Variants in PRDM16 observed in about 807,000 individuals in gnomAD.
The protein encoded by PRDM16 is PR/SET domain 16.
Under a neutral mutation model 110.6 loss-of-function variants are expected in PRDM16, and 23 were observed. The observed-to-expected ratio is 0.21, with a 90% CI of 0.15 to 0.29. The LOEUF (loss-of-function observed/expected upper bound fraction) is 0.29. PRDM16 is among the 10% of genes least tolerant of loss of function. The pLI, the probability that PRDM16 is intolerant of heterozygous loss-of-function variation, is 1.00. For missense variants in PRDM16, 1,615 were observed against 1,794.3 expected (o/e 0.90, Z 1.81); for synonymous variants, 799 against 781.8 (o/e 1.02, Z -0.37).
At chr1:3,220,053 C>T (rs922054133) in intron 2 of PRDM16, among the ~76,000 whole-genome samples, 34 of 152,182 alleles carry the variant, frequency 2.2e-4, no homozygotes, top group Admixed American at 2.1e-3. Context: ...TAAAAGCCCC[C>T]GAGTGGGCTC....
intron 3 of PRDM16, chr1:3,306,552 AC>A (rs1227289041): frequency 6.6e-6 from 1 of 152,092 alleles, no homozygotes; most frequent in East Asian, 1.9e-4. Flanking sequence ...AAAATCTACT[AC>A]CTCGTAGCTT....
Position 3,414,629 on chromosome 1 carries a change from G to A in PRDM16, c.2673G>A (p.Pro891=), listed in dbSNP as rs3819970. ...AGGAGAAGTACCTGCGGCCGTCCCC[G>A]CTGCTCTTCCACCCCCAGGTACGTC... ...ALKEKYLRPS[P]LLFHPQMSAI... The change falls in exon 10 of 17, where the codon CCG becomes CCA. Residue 891 remains proline (P), a synonymous_variant. Transcript: ENST00000270722. 4.3e-3 allele frequency: 7,010 copies of A among 1,613,104 alleles called. 306 individuals carry two copies. The Admixed American group carries it at 0.082, about 19-fold the overall frequency.
intron 3 of PRDM16, among the ~76,000 whole-genome samples, chr1:3,318,542 A>G (rs942300196): frequency 1.3e-5 from 2 of 152,176 alleles, no homozygotes; most frequent in African/African-American, 4.8e-5. Flanking sequence ...TTATCCATCT[A>G]TCAATTAGCT....
chr1:3,100,222 G>A (rs577472511), intron 1 of PRDM16, among the ~76,000 whole-genome samples: 1 of 152,306 alleles, frequency 6.6e-6, no homozygotes, highest in South Asian at 2.1e-4. Flanking sequence ...GCTCTGTGAC[G>A]TGGCCCCAGT....
At chr1:3,366,333 G>A (rs1642815515) in intron 3 of PRDM16, among the ~76,000 whole-genome samples, 2 of 152,236 alleles carry the variant, frequency 1.3e-5, no homozygotes, top group Admixed American at 1.3e-4. Flanking sequence ...CTGACGGGAA[G>A]GCACGCACTC....
chr1:3,139,749 TG>T, intron 1 of PRDM16, among the ~76,000 whole-genome samples: 1 of 152,352 alleles, frequency 6.6e-6, no homozygotes, highest in South Asian at 2.1e-4. Flanking sequence ...CACCTGACCC[TG>T]GTCCTGTTAG....
chr1:3,266,838 G>A (rs1640306259), intron 3 of PRDM16, among the ~76,000 whole-genome samples: 1 of 152,066 alleles, frequency 6.6e-6, no homozygotes, highest in Non-Finnish European at 1.5e-5. Context: ...CCCACGCCCG[G>A]CTAATATTTT....
At chr1:3,373,142 A>C (rs1050062100) in intron 3 of PRDM16, among the ~76,000 whole-genome samples, 5 of 152,188 alleles carry the variant, frequency 3.3e-5, no homozygotes, top group Non-Finnish European at 7.3e-5. Flanking sequence ...GAGTCTCCTC[A>C]GAGCTGGGGT....
At chr1:3,292,437 G>C (rs2100362204) in intron 3 of PRDM16, among the ~76,000 whole-genome samples, 1 of 152,342 alleles carries the variant, frequency 6.6e-6, no homozygotes. Flanking sequence ...AGAACACAGA[G>C]AGATAAACCA....
At chr1:3,341,126 C>T (rs1436610011) in intron 3 of PRDM16, among the ~76,000 whole-genome samples, 1 of 152,140 alleles carries the variant, frequency 6.6e-6, no homozygotes, top group Non-Finnish European at 1.5e-5. Flanking sequence ...CCTCGTTTCT[C>T]CTGGGCTATG....
At chr1:3,360,792 G>A (rs1013869162) in intron 3 of PRDM16, among the ~76,000 whole-genome samples, 1 of 152,226 alleles carries the variant, frequency 6.6e-6, no homozygotes, top group African/African-American at 2.4e-5. Flanking sequence ...ATGACAACAG[G>A]AGCGGAAGAG....
chr1:3,436,883 T>C lies in PRDM16; in HGVS notation c.*3072T>C, dbSNP rs1345639287. ...TTCAGCCCAAATGCTGCCCCAATGC[T>C]AACTCCTTGGATTGTCAACCCCCAT... On this transcript the variant is annotated 3_prime_UTR_variant, in exon 17 of 17. Transcript: ENST00000270722. 2 of 232,330 alleles carry C rather than the reference T, an allele frequency of 8.6e-6. No homozygotes were observed. The highest frequency in any genetic ancestry group is 4.4e-5 in the African/African-American group (2 of 45,206). The allele number at this position is 232,330 out of a possible 1,614,324, so 14.4% of individuals were successfully genotyped here. A position where few individuals can be genotyped will look rare whatever the true frequency, so the allele number is the denominator to read the frequency against.
intron 1 of PRDM16, among the ~76,000 whole-genome samples, chr1:3,128,982 G>T (rs1273669981): frequency 2.6e-5 from 4 of 152,196 alleles, no homozygotes; most frequent in Non-Finnish European, 1.5e-5. Flanking sequence ...AGATGAGGAG[G>T]GTGGCCCTGG....
rs1336274312 is a variant in PRDM16 at position 3,081,200 on chromosome 1, T to C, written c.37+11904T>C. 6.6e-6 allele frequency among the ~76,000 whole-genome samples: 1 copy of C among 152,344 alleles called. No individual in the cohort carries two copies. Among genetic ancestry groups the C allele is most frequent in the East Asian group, 1.9e-4 (1 of 5,174 alleles). The stretch of plus-strand genomic sequence containing the variant: ...AGCCGCTAAAAGCTGCTGTTTGTTA[T>C]TGAATCTCATCTGCTAATTACGGCG... On this transcript the variant is annotated intron_variant, in intron 1 of 16. Transcript: ENST00000270722. The surrounding 1 kb of genome is among the most constrained non-coding windows in gnomAD (Gnocchi z 4.6).
intron 3 of PRDM16, among the ~76,000 whole-genome samples, chr1:3,365,088 G>A (rs947883799): frequency 3.3e-5 from 5 of 152,362 alleles, no homozygotes; most frequent in African/African-American, 4.8e-5. Context: ...GCCAGTGGGC[G>A]AGGGCAGCAA....
chr1:3,169,597 C>T (rs1215153434), intron 1 of PRDM16, among the ~76,000 whole-genome samples: 1 of 152,178 alleles, frequency 6.6e-6, no homozygotes, highest in African/African-American at 2.4e-5. Context: ...GGCAGAGTAT[C>T]CCTGTCACCT....
At chr1:3,430,734 C>A in intron 14 of PRDM16, 138 bp from the exon 15 acceptor site, 1 of 1,035,590 alleles carries the variant, frequency 9.7e-7, no homozygotes, top group Non-Finnish European at 1.5e-6. Flanking sequence ...CCCAGGGACC[C>A]GCGGGAGCTC....
Position 3,300,236 on chromosome 1 carries a change from G to A in PRDM16, c.438+56099G>A, listed in dbSNP as rs55902504. ...GGCAGTGATGTTTCCGATCCCAGTC[G>A]TGGTGGCTCTGCCCTTGTTGAAGAT... On this transcript the variant is annotated intron_variant, in intron 3 of 16. Coordinates refer to ENST00000270722, the MANE Select transcript of PRDM16 (RefSeq NM_022114.4). Among the ~76,000 whole-genome samples, 10 of 94,730 alleles carry A rather than the reference G, an allele frequency of 1.1e-4. 3 individuals carry two copies. The highest frequency in any genetic ancestry group is 2.4e-4 in the Non-Finnish European group (10 of 42,124). The allele number at this position is 94,730 out of a possible 152,430, so 62.1% of individuals were successfully genotyped here. A position where few individuals can be genotyped will look rare whatever the true frequency, so the allele number is the denominator to read the frequency against.
chr1:3,211,912 C>T (rs1055660886), intron 2 of PRDM16, among the ~76,000 whole-genome samples: 1 of 152,226 alleles, frequency 6.6e-6, no homozygotes, highest in Non-Finnish European at 1.5e-5. Context: ...CTGCTCCATT[C>T]TGCTGTAAAG....
Sources: allele counts gnomAD v4.1 joint callset (sites outside exome capture counted in the v4.1 genomes callset), GRCh38; gene constraint gnomAD v4.1.1; non-coding constraint Gnocchi (gnomAD v3.1); transcripts MANE v1.5; gene names NCBI Gene and HGNC (gene_info 2026-07-23, HGNC 2026-07-21).